Variants in B3GALT1 observed in about 807,000 individuals in gnomAD.
B3GALT1 encodes UDP-Gal:betaGlcNAc beta 1,3-galactosyltransferase, polypeptide 1.
In B3GALT1, 10 loss-of-function variants were observed where a neutral mutation model predicts 23.2. The observed-to-expected ratio is 0.43, with a 90% CI of 0.27 to 0.73. The LOEUF (loss-of-function observed/expected upper bound fraction) is 0.73, where lower values mean the gene tolerates loss of function less well. Ranked by LOEUF, B3GALT1 falls within the 30% of genes least tolerant of loss-of-function variation. The pLI is 0.21. For missense variants in B3GALT1, 299 were observed against 405.4 expected (o/e 0.74, Z 2.25); for synonymous variants, 156 against 141.5 (o/e 1.10, Z -0.73).
At chr2:167,809,728 G>A (rs1450411995) in intron 3 of B3GALT1, among the ~76,000 whole-genome samples, 1 of 152,208 alleles carries the variant, frequency 6.6e-6, no homozygotes, top group Non-Finnish European at 1.5e-5. Context: ...CTACTCGGGG[G>A]TCAGGGACCC....
intron 3 of B3GALT1, among the ~76,000 whole-genome samples, chr2:167,667,834 A>G (rs764198241): frequency 2.6e-5 from 4 of 152,096 alleles, no homozygotes; most frequent in Non-Finnish European, 5.9e-5. Flanking sequence ...TTGGTTATTC[A>G]AGTTATAGAT....
intron 1 of B3GALT1, among the ~76,000 whole-genome samples, chr2:167,440,435 C>T (rs1190430335): frequency 6.6e-6 from 1 of 151,488 alleles, no homozygotes; most frequent in Non-Finnish European, 1.5e-5. Flanking sequence ...ATATGACTTC[C>T]AAATACTGAT....
chr2:167,311,537 TAA>T (rs1696634491), intron 1 of B3GALT1, among the ~76,000 whole-genome samples: 1 of 151,990 alleles, frequency 6.6e-6, no homozygotes, highest in African/African-American at 2.4e-5. Flanking sequence ...CACCAGGACT[TAA>T]AATATTTAAA....
At chr2:167,669,638 A>G (rs748157166) in intron 3 of B3GALT1, among the ~76,000 whole-genome samples, 3 of 152,230 alleles carry the variant, frequency 2.0e-5, no homozygotes, top group Non-Finnish European at 4.4e-5. Context: ...AATTTATCAT[A>G]TATTTTGTAC....
chr2:167,812,796 A>C (rs923972129), intron 3 of B3GALT1, among the ~76,000 whole-genome samples: 5 of 152,170 alleles, frequency 3.3e-5, no homozygotes, highest in Non-Finnish European at 7.3e-5. Context: ...GCTCCAGGCT[A>C]CATTCCTTCA....
intron 1 of B3GALT1, among the ~76,000 whole-genome samples, chr2:167,478,312 TG>T (rs1385523629): frequency 6.6e-6 from 1 of 152,154 alleles, no homozygotes; most frequent in Non-Finnish European, 1.5e-5. Context: ...AATTATTAAA[TG>T]GGTGAGTTAA....
intron 1 of B3GALT1, among the ~76,000 whole-genome samples, chr2:167,375,676 G>A (rs1011185515): frequency 5.3e-5 from 8 of 152,080 alleles, no homozygotes; most frequent in Non-Finnish European, 2.9e-5. Context: ...ACTGATTTTT[G>A]TACATAGATT....
chr2:167,320,626 C>T (rs1696796365), intron 1 of B3GALT1, among the ~76,000 whole-genome samples: 1 of 152,028 alleles, frequency 6.6e-6, no homozygotes, highest in African/African-American at 2.4e-5. Flanking sequence ...TTCACAGTGC[C>T]CTCACCCCAG....
At chr2:167,836,860 G>A (rs1389904161) in intron 4 of B3GALT1, among the ~76,000 whole-genome samples, 3 of 152,190 alleles carry the variant, frequency 2.0e-5, no homozygotes, top group African/African-American at 4.8e-5. Context: ...AGAAGAGAGT[G>A]GGGGCCAATA....
chr2:167,751,868 GGA>G (rs1687744609), intron 3 of B3GALT1, among the ~76,000 whole-genome samples: 1 of 152,148 alleles, frequency 6.6e-6, no homozygotes, highest in African/African-American at 2.4e-5. Flanking sequence ...GTCTAGGAAA[GGA>G]GATCTTCAAG....
At chr2:167,689,427 T>A (rs984471713) in intron 3 of B3GALT1, among the ~76,000 whole-genome samples, 1 of 151,982 alleles carries the variant, frequency 6.6e-6, no homozygotes, top group Admixed American at 6.6e-5. Flanking sequence ...GTTCTCCAAA[T>A]AGAATGAAAA....
chr2:167,758,188 A>G (rs553430497), intron 3 of B3GALT1, among the ~76,000 whole-genome samples: 3 of 152,142 alleles, frequency 2.0e-5, no homozygotes, highest in East Asian at 3.9e-4. Context: ...ATAAGAACAT[A>G]TAACAATATC....
chr2:167,660,547 G>C (rs1156839732), intron 3 of B3GALT1, among the ~76,000 whole-genome samples: 1 of 151,992 alleles, frequency 6.6e-6, no homozygotes, highest in Non-Finnish European at 1.5e-5. Context: ...CTAATTTCTT[G>C]CATACTATTT....
chr2:167,676,040 A>C (rs189001192), intron 3 of B3GALT1, among the ~76,000 whole-genome samples: 27 of 151,884 alleles, frequency 1.8e-4, no homozygotes, highest in Admixed American at 5.2e-4. Flanking sequence ...AGGATCACCC[A>C]CTATTTCCAC....
intron 1 of B3GALT1, among the ~76,000 whole-genome samples, chr2:167,347,211 G>A (rs781700548): frequency 6.6e-6 from 1 of 152,086 alleles, no homozygotes; most frequent in African/African-American, 2.4e-5. Context: ...CCAATGCAGA[G>A]TCATCCCAGG....
Position 167,295,817 on chromosome 2 carries a change from T to G in B3GALT1, c.-511+2483T>G, listed in dbSNP as rs1696342612. 2.6e-5 allele frequency among the ~76,000 whole-genome samples: 4 copies of G among 151,490 alleles called. No homozygotes were observed. The South Asian group carries it at 8.3e-4, about 32-fold the overall frequency. The stretch of plus-strand genomic sequence containing the variant: ...TGTGTGTGTGTATGGAACTTTTACT[T>G]GGAGGAAATCTTTTTTTAGATAATT... On this transcript the variant is annotated intron_variant, in intron 1 of 4. Coordinates refer to ENST00000392690, the MANE Select transcript of B3GALT1 (RefSeq NM_020981.4).
At chr2:167,822,788 A>G (rs1386985078) in intron 4 of B3GALT1, among the ~76,000 whole-genome samples, 1 of 152,016 alleles carries the variant, frequency 6.6e-6, no homozygotes, top group Non-Finnish European at 1.5e-5. Context: ...AGATGTCCAC[A>G]GTGAAAATTA....
intron 3 of B3GALT1, among the ~76,000 whole-genome samples, chr2:167,673,671 C>A (rs1429343111): frequency 6.6e-6 from 1 of 151,868 alleles, no homozygotes; most frequent in East Asian, 1.9e-4. Context: ...CCAAAAGGGT[C>A]TTAAACAAAT....
chr2:167,773,084 A>C (rs1403111565), intron 3 of B3GALT1, among the ~76,000 whole-genome samples: 2 of 152,208 alleles, frequency 1.3e-5, no homozygotes, highest in Admixed American at 6.5e-5. Context: ...TGAATGAATG[A>C]ATGAGTCTGT....
Sources: allele counts gnomAD v4.1 joint callset (sites outside exome capture counted in the v4.1 genomes callset), GRCh38; gene constraint gnomAD v4.1.1; transcripts MANE v1.5; gene names NCBI Gene and HGNC (gene_info 2026-07-23, HGNC 2026-07-21).